The following MTRF1 variants were observed in gnomAD, a reference collection of about 807,000 sequenced individuals.
MTRF1 encodes the protein peptide chain release factor 1, mitochondrial.
A neutral mutation model predicts 62.9 loss-of-function variants in MTRF1; 51 were observed. The observed-to-expected ratio is 0.81, with a 90% CI of 0.65 to 1.02. MTRF1 has a LOEUF of 1.02. Ranked by LOEUF, MTRF1 falls within the 50% of genes least tolerant of loss-of-function variation. The pLI is 0.00. For missense variants in MTRF1, 446 were observed against 530.0 expected (o/e 0.84, Z 1.56); for synonymous variants, 158 against 181.9 (o/e 0.87, Z 1.06).
At chr13:41,266,481 A>C (rs2040840724), upstream of MTRF1, among the ~76,000 whole-genome samples, 1 of 152,010 alleles carries the variant, frequency 6.6e-6, no homozygotes, top group Non-Finnish European at 1.5e-5. Context: ...GCACAGTGGC[A>C]CGCACCTGTA....
chr13:41,259,289 C>A (rs1342009204), intron 2 of MTRF1, among the ~76,000 whole-genome samples: 1 of 152,104 alleles, frequency 6.6e-6, no homozygotes, highest in Non-Finnish European at 1.5e-5. Flanking sequence ...CAAAAGTTCA[C>A]AGTATCGTTA....
rs751190650 is a variant in MTRF1, at chr13:41,245,011, CAAT to C, written c.698-4581_698-4579del. Among the ~76,000 whole-genome samples, 123 of 152,292 alleles carry C rather than the reference CAAT, an allele frequency of 8.1e-4. 1 individual carries two copies. The highest frequency in any genetic ancestry group is 1.6e-3 in the Admixed American group (25 of 15,294). ...TCTAATCAATCTTTTTGCCTATCAACAATATTTGTCATTTTCTTCACTCCTTTA... is the reference window on the plus strand; with the variant it reads ...TCTAATCAATCTTTTTGCCTATCAACATTTGTCATTTTCTTCACTCCTTTA... On this transcript the variant is annotated intron_variant, in intron 5 of 9. Coordinates refer to ENST00000379480, the MANE Select transcript of MTRF1 (RefSeq NM_004294.4).
the MTRF1 span, among the ~76,000 whole-genome samples, chr13:41,287,513 AG>A: frequency 6.6e-6 from 1 of 152,228 alleles, no homozygotes; most frequent in African/African-American, 2.4e-5. Context: ...TAAAAAAATA[AG>A]GCTTTAAGAA....
chr13:41,308,058 G>A, the MTRF1 span, among the ~76,000 whole-genome samples: 1 of 152,152 alleles, frequency 6.6e-6, no homozygotes, highest in African/African-American at 2.4e-5. Flanking sequence ...TTGGCAGTGG[G>A]TCGGAGGCTG....
chr13:41,244,407 G>A (rs7993974), intron 5 of MTRF1, among the ~76,000 whole-genome samples: 108,871 of 152,124 alleles, frequency 0.72, 39,267 homozygotes, highest in African/African-American at 0.74. Context: ...TTCTAGCTGG[G>A]TATTTTCAGA....
At chr13:41,260,955 T>C (rs2040382397) in intron 1 of MTRF1, 40 bp from the exon 2 acceptor site, 1 of 1,216,230 alleles carries the variant, frequency 8.2e-7, no homozygotes, top group South Asian at 1.5e-5. Context: ...AAAAATCATC[T>C]CTAAAGATAC....
chr13:41,296,121 T>C, the MTRF1 span, among the ~76,000 whole-genome samples: 1 of 152,184 alleles, frequency 6.6e-6, no homozygotes, highest in Non-Finnish European at 1.5e-5. Flanking sequence ...TTTTTCATTT[T>C]TATTTGTAGA....
At chr13:41,269,282 C>T in the MTRF1 span, among the ~76,000 whole-genome samples, 1 of 147,668 alleles carries the variant, frequency 6.8e-6, no homozygotes, top group Non-Finnish European at 1.5e-5. Context: ...TCACTGCAAC[C>T]TCTGCCTCTC....
intron 5 of MTRF1, among the ~76,000 whole-genome samples, chr13:41,248,896 G>A (rs912484132): frequency 1.3e-5 from 2 of 152,070 alleles, no homozygotes; most frequent in Non-Finnish European, 2.9e-5. Context: ...TACATATCTA[G>A]AGCCATTACC....
chr13:41,294,416 C>CA, the MTRF1 span, among the ~76,000 whole-genome samples: 9,359 of 79,010 alleles, frequency 0.12, 1,131 homozygotes, highest in African/African-American at 0.32. Flanking sequence ...GACTCCATCT[C>CA]AAAAAAAAAA....
chr13:41,270,025 C>T, the MTRF1 span, among the ~76,000 whole-genome samples: 1 of 152,158 alleles, frequency 6.6e-6, no homozygotes, highest in East Asian at 1.9e-4. Context: ...AGTAATCTTA[C>T]TAAATTTAAG....
chr13:41,299,697 A>G, the MTRF1 span, among the ~76,000 whole-genome samples: 29 of 152,284 alleles, frequency 1.9e-4, no homozygotes, highest in African/African-American at 6.0e-4. Context: ...AAATTTGTCA[A>G]TTGAACTGAG....
At chr13:41,236,306 G>A (rs949395510) in intron 6 of MTRF1, 3 of 152,110 alleles carry the variant, frequency 2.0e-5, no homozygotes, top group African/African-American at 7.2e-5. Context: ...AGTAGAGATG[G>A]AGTTTCACCG....
the MTRF1 span, among the ~76,000 whole-genome samples, chr13:41,295,680 C>T: frequency 6.6e-6 from 1 of 152,138 alleles, no homozygotes; most frequent in African/African-American, 2.4e-5. Flanking sequence ...CATGTAACTT[C>T]TATATAGCTT....
At chr13:41,303,350 C>G in the MTRF1 span, among the ~76,000 whole-genome samples, 2 of 152,116 alleles carry the variant, frequency 1.3e-5, no homozygotes, top group African/African-American at 4.8e-5. Context: ...AAATAATCTA[C>G]TTGGTGTTAA....
chr13:41,309,108 T>C, the MTRF1 span, among the ~76,000 whole-genome samples: 1 of 152,210 alleles, frequency 6.6e-6, no homozygotes, highest in Non-Finnish European at 1.5e-5. Flanking sequence ...ATTTTCTTTA[T>C]CCAGTCCACC....
At chr13:41,225,551 T>G (rs903825189) in intron 8 of MTRF1, among the ~76,000 whole-genome samples, 3 of 152,002 alleles carry the variant, frequency 2.0e-5, no homozygotes, top group Admixed American at 2.0e-4. Context: ...AACGTGAAAG[T>G]GTGAAAAAGC....
chr13:41,263,618 C>G (rs1026940806), upstream of MTRF1: 6 of 177,886 alleles, frequency 3.4e-5, no homozygotes, highest in Admixed American at 2.4e-4. Flanking sequence ...ACGCACGCTC[C>G]CGGCCCCTCC....
the MTRF1 span, among the ~76,000 whole-genome samples, chr13:41,277,576 A>C: frequency 2.6e-5 from 4 of 152,314 alleles, no homozygotes; most frequent in South Asian, 2.1e-4. Flanking sequence ...TATGGGGAAG[A>C]TGTGTGAAGC....
Sources: allele counts gnomAD v4.1 joint callset (sites outside exome capture counted in the v4.1 genomes callset), GRCh38; gene constraint gnomAD v4.1.1; transcripts MANE v1.5; gene names NCBI Gene and HGNC (gene_info 2026-07-23, HGNC 2026-07-21).